Variants in EVI5 observed in about 807,000 individuals in gnomAD.
The protein encoded by EVI5 is ecotropic viral integration site 5 protein homolog.
EVI5 carries 73 observed loss-of-function variants against 112.0 expected under a neutral mutation model. The ratio of observed to expected loss-of-function variants is 0.65; its 90% confidence interval spans 0.54 to 0.79. The LOEUF (loss-of-function observed/expected upper bound fraction) is 0.79, where lower values mean the gene tolerates loss of function less well. EVI5 is among the 30% of genes least tolerant of loss of function. The probability of loss-of-function intolerance (pLI) is 0.00; values close to 1 mark genes in which losing one functional copy is unlikely to be tolerated. For missense variants in EVI5, 900 were observed against 968.8 expected (o/e 0.93, Z 0.94); for synonymous variants, 305 against 319.9 (o/e 0.95, Z 0.50).
chr1:92,605,016 G>A (rs1650049370), intron 18 of EVI5, among the ~76,000 whole-genome samples: 1 of 152,142 alleles, frequency 6.6e-6, no homozygotes, highest in Admixed American at 6.6e-5. Flanking sequence ...CTGGGGAATG[G>A]GAAGTTAGTG....
At chr1:92,684,588 A>G (rs888771827) in intron 9 of EVI5, among the ~76,000 whole-genome samples, 1 of 152,208 alleles carries the variant, frequency 6.6e-6, no homozygotes, top group African/African-American at 2.4e-5. Flanking sequence ...AAATGCTCCA[A>G]TTAAAAGACA....
chr1:92,718,578 C>T (rs574673748), intron 2 of EVI5, among the ~76,000 whole-genome samples: 1 of 152,218 alleles, frequency 6.6e-6, no homozygotes, highest in Non-Finnish European at 1.5e-5. Context: ...TAAATGCCCA[C>T]AAGACAAAGC....
intron 9 of EVI5, among the ~76,000 whole-genome samples, chr1:92,679,408 G>A (rs1443917857): frequency 6.6e-6 from 1 of 152,096 alleles, no homozygotes; most frequent in Non-Finnish European, 1.5e-5. Context: ...TAAGTTTATA[G>A]CCTTCACAAA....
At chr1:92,646,015 T>C (rs569935765) in intron 13 of EVI5, among the ~76,000 whole-genome samples, 2 of 152,300 alleles carry the variant, frequency 1.3e-5, no homozygotes, top group East Asian at 3.9e-4. Flanking sequence ...CCAGATCACT[T>C]GTTGTTGGTT....
intron 19 of EVI5, among the ~76,000 whole-genome samples, chr1:92,530,306 A>G (rs1158420330): frequency 6.6e-6 from 1 of 152,062 alleles, no homozygotes; most frequent in Non-Finnish European, 1.5e-5. Context: ...TATAGATACA[A>G]CCCTCACCTC....
intron 2 of EVI5, among the ~76,000 whole-genome samples, chr1:92,731,086 G>A (rs2102769326): frequency 6.6e-6 from 1 of 152,322 alleles, no homozygotes; most frequent in Non-Finnish European, 1.5e-5. Flanking sequence ...CACTTTGGGA[G>A]GCCGAGGTAG....
At chr1:92,553,602 A>T (rs1453907506) in intron 19 of EVI5, among the ~76,000 whole-genome samples, 3 of 151,772 alleles carry the variant, frequency 2.0e-5, no homozygotes, top group Admixed American at 2.0e-4. Flanking sequence ...TGCCCAGCCA[A>T]TTTTTGTATT....
chr1:92,685,580 C>T (rs1258412930), intron 9 of EVI5, among the ~76,000 whole-genome samples: 1 of 152,028 alleles, frequency 6.6e-6, no homozygotes, highest in East Asian at 1.9e-4. Flanking sequence ...AATAGAGACA[C>T]AAAAATCCCT....
chr1:92,543,031 T>C (rs1007073382), intron 19 of EVI5, among the ~76,000 whole-genome samples: 2 of 152,206 alleles, frequency 1.3e-5, no homozygotes, highest in Non-Finnish European at 2.9e-5. Flanking sequence ...AAATGTGCAC[T>C]TGGCTTCAAC....
At chr1:92,750,323 A>G (rs992948220) in intron 1 of EVI5, among the ~76,000 whole-genome samples, 4 of 152,238 alleles carry the variant, frequency 2.6e-5, no homozygotes, top group Non-Finnish European at 4.4e-5. Context: ...GATACAAATC[A>G]ATACTTAAGA....
At chr1:92,741,041 G>A (rs1056901834) in intron 1 of EVI5, among the ~76,000 whole-genome samples, 1 of 152,130 alleles carries the variant, frequency 6.6e-6, no homozygotes, top group Non-Finnish European at 1.5e-5. Context: ...GAATATATCC[G>A]CAAACACTTT....
intron 19 of EVI5, among the ~76,000 whole-genome samples, chr1:92,517,083 C>T (rs1660028366): frequency 6.6e-6 from 1 of 152,116 alleles, no homozygotes; most frequent in Non-Finnish European, 1.5e-5. Flanking sequence ...TACACGCATT[C>T]AGGAAATTTT....
intron 6 of EVI5, among the ~76,000 whole-genome samples, chr1:92,697,073 T>C (rs995389983): frequency 6.6e-6 from 1 of 151,746 alleles, no homozygotes; most frequent in Non-Finnish European, 1.5e-5. Flanking sequence ...AAAAATAAAA[T>C]ATAAGAACAT....
chr1:92,612,563 AG>A (rs1481594963), intron 16 of EVI5, among the ~76,000 whole-genome samples: 3 of 152,090 alleles, frequency 2.0e-5, no homozygotes, highest in African/African-American at 4.8e-5. Context: ...TACAAATATT[AG>A]CCAGATGTGG....
At chr1:92,551,807 C>G (rs1350842040) in intron 19 of EVI5, among the ~76,000 whole-genome samples, 1 of 151,934 alleles carries the variant, frequency 6.6e-6, no homozygotes, top group African/African-American at 2.4e-5. Context: ...AAACCTGTCA[C>G]TACAGGCTTG....
At chr1:92,695,784 A>T (rs1030694144) in intron 6 of EVI5, among the ~76,000 whole-genome samples, 42 of 152,202 alleles carry the variant, frequency 2.8e-4, no homozygotes, top group African/African-American at 9.4e-4. Flanking sequence ...ATATTTTAAA[A>T]AGACGTTTAA....
chr1:92,713,751 T>C (rs2102632626), intron 2 of EVI5, among the ~76,000 whole-genome samples: 1 of 152,298 alleles, frequency 6.6e-6, no homozygotes, highest in Non-Finnish European at 1.5e-5. Flanking sequence ...CACTCCAGCC[T>C]GGCCGACAGA....
intron 1 of EVI5, among the ~76,000 whole-genome samples, chr1:92,776,584 C>T (rs1475808511): frequency 6.6e-6 from 1 of 151,802 alleles, no homozygotes; most frequent in African/African-American, 2.4e-5. Context: ...TACTACCTCT[C>T]CCCATGATTG....
chr1:92,754,850 A>G (rs1558207657), intron 1 of EVI5, among the ~76,000 whole-genome samples: 1 of 152,324 alleles, frequency 6.6e-6, no homozygotes, highest in East Asian at 1.9e-4. Context: ...GGAAGTGGAG[A>G]CCACTGACAG....
Sources: gnomAD v4.1 joint callset for allele counts (sites outside exome capture counted in the v4.1 genomes callset) on GRCh38, gnomAD v4.1.1 for gene constraint, MANE v1.5 for transcripts, NCBI Gene and HGNC (gene_info 2026-07-23, HGNC 2026-07-21) for gene names.